The following DNAH2 variants were observed in gnomAD, a reference collection of about 807,000 sequenced individuals.
DNAH2 encodes dynein axonemal heavy chain 2, also known as axonemal beta dynein heavy chain 2.
Under a neutral mutation model 523.5 loss-of-function variants are expected in DNAH2, and 323 were observed. That is an observed-to-expected ratio of 0.62 (90% CI 0.56 to 0.68). The LOEUF (loss-of-function observed/expected upper bound fraction) is 0.68, where lower values mean the gene tolerates loss of function less well. DNAH2 is among the 30% of genes least tolerant of loss of function. The pLI is 0.00. For synonymous variants in DNAH2, 2,093 were observed against 2,177.4 expected, an observed-to-expected ratio of 0.96 and a Z score of 1.08; for missense variants, 4,907 against 5,701.5, an observed-to-expected ratio of 0.86 and a Z score of 4.49.
chr17:7,765,879 A>G (rs1988778), intron 21 of DNAH2, among the ~76,000 whole-genome samples: 127,659 of 151,838 alleles, frequency 0.84, 55,536 homozygotes, highest in Non-Finnish European at 0.95. Context: ...CCAGGTTCAA[A>G]CGATTCTCCT....
chr17:7,814,291 A>C (rs2151316849), intron 63 of DNAH2, among the ~76,000 whole-genome samples: 1 of 151,668 alleles, frequency 6.6e-6, no homozygotes, highest in South Asian at 2.1e-4. Context: ...AAATGTCATT[A>C]TTATTACTTT....
intron 73 of DNAH2, among the ~76,000 whole-genome samples, chr17:7,822,738 G>C (rs1282657605): frequency 6.6e-6 from 1 of 152,146 alleles, no homozygotes; most frequent in African/African-American, 2.4e-5. Flanking sequence ...GCATCCCAAT[G>C]ATTAAAATGC....
chr17:7,760,667 A>T lies in DNAH2; in HGVS notation c.2786-73A>T. ...GGTTTTAGAGTGGAAGGTCTGGAGC[A>T]GTGGGCAGGGCTCAGGCAGAAGTTG... On this transcript the variant is annotated intron_variant, in intron 17 of 85. Transcript: ENST00000572933. The surrounding 1 kb of genome is among the most constrained non-coding windows in gnomAD (Gnocchi z 4.0). The T allele has an allele frequency of 4.1e-6, 6 of 1,454,808 alleles. No individual in the cohort carries two copies. Among genetic ancestry groups the T allele is most frequent in the Non-Finnish European group, 5.6e-6 (6 of 1,065,144 alleles). The allele number at this position is 1,454,808 out of a possible 1,614,324, so 90.1% of individuals were successfully genotyped here.
chr17:7,727,396 T>C, intron 4 of DNAH2, 104 bp downstream of exon 4: 1 of 1,433,934 alleles, frequency 7.0e-7, no homozygotes, highest in Non-Finnish European at 9.3e-7. Context: ...GCCCACGGCC[T>C]ATTGAGCCCC....
intron 25 of DNAH2, 53 bp downstream of exon 25, chr17:7,770,461 G>C: frequency 6.2e-7 from 1 of 1,612,396 alleles, no homozygotes; most frequent in Non-Finnish European, 8.5e-7. Context: ...CTGGAGCACA[G>C]GCTCCAGCTG....
At position 7,757,215 on chromosome 17, in the gene DNAH2, C is replaced by T; in HGVS notation, c.2029C>T (p.Leu677Phe). The change falls in exon 13 of 86, where the codon CTC (leucine) becomes TTC (phenylalanine). Residue 677 changes from leucine (L) to phenylalanine (F), a missense_variant. Around this residue, in one of 3 missense-constraint regions of DNAH2, gnomAD observed 2,806 missense variants for 3,190.8 expected, o/e 0.88. Transcript: ENST00000572933. ...DLRILRENLLLVARDYNRIIA... is the reference protein window; with the variant it reads ...DLRILRENLLFVARDYNRIIA... The stretch of plus-strand genomic sequence containing the variant: ...GCGCATTCTGCGTGAAAATCTGCTA[C>T]TCGTTGCTAGAGACTACAATAGGTA... The T allele has an allele frequency of 1.9e-6, 3 of 1,614,156 alleles. No individual in the cohort carries two copies. Among genetic ancestry groups the T allele is most frequent in the Non-Finnish European group, 2.5e-6 (3 of 1,180,008 alleles).
At chr17:7,738,338 AT>A (rs1349882083) in intron 8 of DNAH2, among the ~76,000 whole-genome samples, 3 of 150,498 alleles carry the variant, frequency 2.0e-5, no homozygotes, top group Non-Finnish European at 3.0e-5. Flanking sequence ...TTTAATTTTA[AT>A]TTTTTTTTGA....
At chr17:7,811,037 G>A (rs1228826633) in intron 63 of DNAH2, among the ~76,000 whole-genome samples, 3 of 152,172 alleles carry the variant, frequency 2.0e-5, no homozygotes, top group African/African-American at 7.2e-5. Flanking sequence ...TATACTTTAA[G>A]GCGACTGTAT....
chr17:7,732,083 A>T (rs1188023808), intron 4 of DNAH2, among the ~76,000 whole-genome samples: 1 of 150,828 alleles, frequency 6.6e-6, no homozygotes, highest in Non-Finnish European at 1.5e-5. Context: ...ATTTCTGGGT[A>T]GTAAGAAGAC....
intron 63 of DNAH2, among the ~76,000 whole-genome samples, chr17:7,812,270 G>A (rs2077536813): frequency 6.6e-6 from 1 of 152,140 alleles, no homozygotes; most frequent in African/African-American, 2.4e-5. Flanking sequence ...TCTTTTCTTA[G>A]GGGGTTGATC....
Position 7,821,092 on chromosome 17 carries a change from C to T in DNAH2, c.11016-151C>T, listed in dbSNP as rs1272003841. 13 of 1,066,660 alleles carry T rather than the reference C, an allele frequency of 1.2e-5. No individual in the cohort carries two copies. Among genetic ancestry groups the T allele is most frequent in the Non-Finnish European group, 1.7e-5 (13 of 769,528 alleles). The allele number at this position is 1,066,660 out of a possible 1,614,324, so 66.1% of individuals were successfully genotyped here. ...TCTGGGAAATTCTTGTGTCTAGGCC[C>T]CTGAGTCCTCAGCTGTTTCCAGGAG... On this transcript the variant is annotated intron_variant, in intron 72 of 85. Transcript: ENST00000572933. This position sits in a 1 kb window ranked among gnomAD's most constrained non-coding sequence, Gnocchi z 5.0.
intron 59 of DNAH2, 21 bp downstream of exon 59, chr17:7,804,487 C>T (rs1403427250): frequency 6.2e-7 from 1 of 1,609,874 alleles, no homozygotes; most frequent in East Asian, 2.2e-5. Context: ...CACGCCCACC[C>T]CCCGTGCCCC....
At chr17:7,750,622 C>G (rs2151177127) in intron 12 of DNAH2, among the ~76,000 whole-genome samples, 1 of 152,300 alleles carries the variant, frequency 6.6e-6, no homozygotes, top group Non-Finnish European at 1.5e-5. Context: ...TTGTCTTTGG[C>G]TTTGGCCTCT....
At chr17:7,782,276 A>C (rs1337897345) in intron 39 of DNAH2, among the ~76,000 whole-genome samples, 2 of 152,246 alleles carry the variant, frequency 1.3e-5, no homozygotes, top group Non-Finnish European at 2.9e-5. Flanking sequence ...AAGCGTATAT[A>C]CAGGAAAGAA....
intron 56 of DNAH2, among the ~76,000 whole-genome samples, chr17:7,800,068 T>C (rs2077180602): frequency 6.6e-6 from 1 of 152,226 alleles, no homozygotes; most frequent in Non-Finnish European, 1.5e-5. Context: ...CTTTTTTTGT[T>C]TGAGACGGAG....
In DNAH2 at chr17:7,779,269, G is replaced by A. The variant is rs2151243378; in HGVS notation, c.5568G>A (p.Glu1856=). Residue 1856 remains glutamate, a synonymous_variant, in exon 36 of 86, where the codon GAG becomes GAA. Coordinates refer to ENST00000572933, the MANE Select transcript of DNAH2 (RefSeq NM_020877.5). ...CTGGAGCTTGGGGCTGCTTTGATGAGTTTAACCGCATCAACATCGAGGTGC... is the reference window on the plus strand; with the variant it reads ...CTGGAGCTTGGGGCTGCTTTGATGAATTTAACCGCATCAACATCGAGGTGC... ...AQTGAWGCFD[E]FNRINIEVLS... The A allele has an allele frequency of 6.2e-7, 1 of 1,614,164 alleles. No homozygotes were observed. Among genetic ancestry groups the A allele is most frequent in the African/African-American group, 1.3e-5 (1 of 75,060 alleles).
Position 7,757,176 on chromosome 17 carries a change from C to T in DNAH2, c.1990C>T (p.Arg664Ter), listed in dbSNP as rs771879231. Residue 664 changes from arginine (R) to a stop codon, truncating the protein, a stop_gained, in exon 13 of 86, where the codon CGA (arginine) becomes TGA (stop). Transcript: ENST00000572933. LOFTEE classifies it high-confidence loss of function. ...TPHYVVNVAE[R>*]AEDLRILREN... is the part of the protein sequence containing the mutation. ...CCATTACGTGGTGAACGTAGCTGAG[C>T]GAGCCGAGGACCTGCGCATTCTGCG... is the stretch of plus-strand genomic sequence containing the variant. 2 of 1,614,148 alleles carry T rather than the reference C, an allele frequency of 1.2e-6. No homozygotes were observed. Among genetic ancestry groups the T allele is most frequent in the South Asian group, 1.1e-5 (1 of 91,088 alleles).
intron 12 of DNAH2, chr17:7,743,393 C>A (rs772683868): frequency 4.3e-6 from 3 of 701,434 alleles, no homozygotes; most frequent in African/African-American, 1.7e-5. Flanking sequence ...CGGCCAGGCA[C>A]GGTGGCTCAC....
chr17:7,780,630 A>T lies in DNAH2; in HGVS notation c.5851A>T (p.Ile1951Phe). The T allele has an allele frequency of 6.2e-7, 1 of 1,613,908 alleles. No individual in the cohort carries two copies. The highest frequency in any genetic ancestry group is 8.5e-7 in the Non-Finnish European group (1 of 1,179,932). The change falls in exon 38 of 86, where the codon ATT (isoleucine) becomes TTT (phenylalanine). Residue 1951 changes from isoleucine (I) to phenylalanine (F), a missense_variant and splice_region_variant. Ile to Phe is a conservative substitution (Grantham distance 21, BLOSUM62 0). Coordinates refer to ENST00000572933, the MANE Select transcript of DNAH2 (RefSeq NM_020877.5). This position sits in a 1 kb window ranked among gnomAD's most constrained non-coding sequence, Gnocchi z 4.4. ...LFGEGFGNCK[I>F]LAKKVYTLYS... Reference sequence around the variant, plus strand: ...TTCCTCCTCTGTTTTGGTTCCCCAGATTCTGGCCAAGAAGGTGTACACACT... The same window carrying T: ...TTCCTCCTCTGTTTTGGTTCCCCAGTTTCTGGCCAAGAAGGTGTACACACT...
Sources: allele counts gnomAD v4.1 joint callset (sites outside exome capture counted in the v4.1 genomes callset), GRCh38; gene constraint gnomAD v4.1.1; regional missense constraint gnomAD v4.1.1; non-coding constraint Gnocchi (gnomAD v3.1); transcripts MANE v1.5; gene names NCBI Gene and HGNC (gene_info 2026-07-23, HGNC 2026-07-21).